The following PCM1 variants were observed in gnomAD, a reference collection of about 807,000 sequenced individuals.
The protein encoded by PCM1 is pericentriolar material 1, also known as pericentriolar material 1 protein.
In PCM1, 157 loss-of-function variants were observed where a neutral mutation model predicts 241.9. The ratio of observed to expected loss-of-function variants is 0.65; its 90% CI spans 0.57 to 0.74. The LOEUF is 0.74. Ranked by LOEUF, PCM1 falls within the 30% of genes least tolerant of loss-of-function variation. PCM1 has a pLI of 0.00. For synonymous variants in PCM1, 1,085 were observed against 784.9 expected (o/e 1.38, Z -6.39); for missense variants, 3,478 against 2,360.1 (o/e 1.47, Z -9.81).
chr8:18,006,377 C>G lies in PCM1; in HGVS notation c.4942C>G (p.Gln1648Glu). The G allele has an allele frequency of 6.2e-7, 1 of 1,611,568 alleles. No homozygotes were observed. The highest frequency in any genetic ancestry group is 8.5e-7 in the Non-Finnish European group (1 of 1,177,950). ...AGAGTTTGTAAAGTTCTTTCATAAA[C>G]AACTTGGAAGTATATTACAGGTAAG... ...SKEFVKFFHK[Q>E]LGSILQDSLA... Residue 1648 changes from glutamine (Q) to glutamate (E), a missense_variant, in exon 30 of 39, where the codon CAA (glutamine) becomes GAA (glutamate). Coordinates refer to ENST00000325083, the MANE Select transcript of PCM1 (RefSeq NM_006197.4).
At chr8:17,982,051 C>G (rs1024986147) in intron 24 of PCM1, among the ~76,000 whole-genome samples, 2 of 152,086 alleles carry the variant, frequency 1.3e-5, no homozygotes, top group Admixed American at 1.3e-4. Context: ...TCATAATGAG[C>G]ATTTATCATT....
At chr8:18,011,389 A>C in intron 33 of PCM1, 23 bp downstream of exon 33, 1 of 1,517,500 alleles carries the variant, frequency 6.6e-7, no homozygotes, top group South Asian at 1.4e-5. Context: ...GCTCTGTACT[A>C]TCTTTATACT....
intron 2 of PCM1, among the ~76,000 whole-genome samples, chr8:17,928,234 C>T (rs943603764): frequency 2.6e-5 from 4 of 152,130 alleles, no homozygotes; most frequent in African/African-American, 9.7e-5. Flanking sequence ...ATGAGCACTG[C>T]TGGAAAAAAA....
In PCM1 at chr8:17,967,010, C is replaced by T; in HGVS notation, c.3252C>T (p.Arg1084=). Residue 1084 remains arginine (R), a synonymous_variant, in exon 21 of 39, where the codon CGC becomes CGT. Coordinates refer to ENST00000325083, the MANE Select transcript of PCM1 (RefSeq NM_006197.4). ...RLKQMLNELM[R]QQNQHPEKPG... ...AACAAATGCTAAATGAACTTATGCG[C>T]CAGCAAAATCAGCATCCAGAAAAAC... 1 of 1,608,176 alleles carries T rather than the reference C, an allele frequency of 6.2e-7. No homozygotes were observed. The highest frequency in any genetic ancestry group is 8.5e-7 in the Non-Finnish European group (1 of 1,177,102).
intron 30 of PCM1, among the ~76,000 whole-genome samples, chr8:18,008,489 T>A (rs1230646469): frequency 6.6e-6 from 1 of 152,116 alleles, no homozygotes; most frequent in African/African-American, 2.4e-5. Flanking sequence ...CTTGAATCAT[T>A]CCGAAACCTT....
intron 22 of PCM1, among the ~76,000 whole-genome samples, chr8:17,970,134 A>G (rs898612286): frequency 2.0e-5 from 3 of 152,154 alleles, no homozygotes; most frequent in Admixed American, 6.5e-5. Context: ...CCTAAAGCCT[A>G]TTCAAATATA....
intron 21 of PCM1, among the ~76,000 whole-genome samples, chr8:17,968,271 G>A (rs2075651768): frequency 6.6e-6 from 1 of 152,136 alleles, no homozygotes; most frequent in Non-Finnish European, 1.5e-5. Flanking sequence ...ATTTTATGAT[G>A]TGCAAACAAG....
intron 26 of PCM1, among the ~76,000 whole-genome samples, chr8:17,987,892 C>T (rs1350370681): frequency 1.3e-5 from 2 of 151,754 alleles, no homozygotes; most frequent in African/African-American, 4.8e-5. Context: ...TTTAAATAGC[C>T]ATATGGTGTT....
chr8:17,944,039 A>G (rs1268632783), intron 6 of PCM1, among the ~76,000 whole-genome samples: 1 of 152,232 alleles, frequency 6.6e-6, no homozygotes, highest in African/African-American at 2.4e-5. Flanking sequence ...AAAGCCTTCT[A>G]CGAGTAGCCA....
intron 23 of PCM1, among the ~76,000 whole-genome samples, chr8:17,975,484 G>A (rs147915438): frequency 0.016 from 2,497 of 152,154 alleles, 27 homozygotes; most frequent in Non-Finnish European, 0.027. Context: ...TATCTTAAAG[G>A]AAGTGGTAAA....
At chr8:18,003,662 C>T (rs2090352194) in intron 29 of PCM1, among the ~76,000 whole-genome samples, 1 of 152,054 alleles carries the variant, frequency 6.6e-6, no homozygotes, top group African/African-American at 2.4e-5. Context: ...AGCCAAGAAG[C>T]ACTTAAGATA....
At chr8:17,942,664 A>G (rs1413775766) in intron 6 of PCM1, among the ~76,000 whole-genome samples, 2 of 151,812 alleles carry the variant, frequency 1.3e-5, no homozygotes, top group African/African-American at 2.4e-5. Flanking sequence ...GGCATTCCAG[A>G]TAGAGTTAAA....
intron 21 of PCM1, 71 bp downstream of exon 21, chr8:17,967,241 C>T (rs1389183507): frequency 2.8e-6 from 3 of 1,068,846 alleles, no homozygotes; most frequent in Non-Finnish European, 4.0e-6. Context: ...TGTCTATTGC[C>T]TAGATGTTTT....
intron 11 of PCM1, 108 bp from the exon 12 acceptor site, chr8:17,957,156 C>A: frequency 1.2e-6 from 1 of 808,032 alleles, no homozygotes; most frequent in South Asian, 2.1e-5. Context: ...AATGGAATAG[C>A]CAACAATGTG....
At position 18,016,342 on chromosome 8, in the gene PCM1, G is replaced by C. The variant is rs117842107; in HGVS notation, c.5841+1502G>C. Among the ~76,000 whole-genome samples the C allele has an allele frequency of 1.7e-3, 252 of 152,290 alleles. 7 individuals are homozygous for C. In the East Asian group the frequency reaches 0.043, roughly 26 times the overall value. On this transcript the variant is annotated intron_variant, in intron 36 of 38. Coordinates refer to ENST00000325083, the MANE Select transcript of PCM1 (RefSeq NM_006197.4). The stretch of plus-strand genomic sequence containing the variant: ...AAAGACTCTGGGACCCCTCTTTCTA[G>C]AACTCTAGCAAATTTTATGTTTAGA...
intron 8 of PCM1, among the ~76,000 whole-genome samples, chr8:17,952,577 A>G (rs2066492955): frequency 6.6e-6 from 1 of 152,212 alleles, no homozygotes; most frequent in Non-Finnish European, 1.5e-5. Flanking sequence ...ATGCAAATTT[A>G]AAAATATAAC....
intron 23 of PCM1, among the ~76,000 whole-genome samples, chr8:17,973,956 C>A (rs569630188): frequency 2.0e-5 from 3 of 152,238 alleles, no homozygotes; most frequent in Admixed American, 1.3e-4. Flanking sequence ...ACCACAGATA[C>A]AAGAGAATAT....
chr8:17,982,318 A>G (rs1029217913), intron 24 of PCM1, among the ~76,000 whole-genome samples: 3 of 152,184 alleles, frequency 2.0e-5, no homozygotes, highest in Non-Finnish European at 4.4e-5. Flanking sequence ...GAAGAAGGAC[A>G]CTAAACTGAA....
chr8:17,962,474 TA>T (rs2072821406), intron 16 of PCM1, among the ~76,000 whole-genome samples: 1 of 152,104 alleles, frequency 6.6e-6, no homozygotes, highest in South Asian at 2.1e-4. Flanking sequence ...CAGAAATATA[TA>T]GGGGGGTAGT....
Sources: allele counts gnomAD v4.1 joint callset (sites outside exome capture counted in the v4.1 genomes callset), GRCh38; gene constraint gnomAD v4.1.1; transcripts MANE v1.5; gene names NCBI Gene and HGNC (gene_info 2026-07-23, HGNC 2026-07-21).